Variants in PTPRO observed in about 807,000 individuals in gnomAD.
PTPRO encodes the protein receptor-type tyrosine-protein phosphatase O.
PTPRO carries 62 observed loss-of-function variants against 145.2 expected under a neutral mutation model. The observed-to-expected ratio is 0.43, with a 90% CI of 0.35 to 0.53. The LOEUF is 0.53. Ranked by LOEUF, PTPRO falls within the 20% of genes least tolerant of loss-of-function variation. The pLI is 0.01. For missense variants in PTPRO, 1,345 were observed against 1,482.7 expected (o/e 0.91, Z 1.53); for synonymous variants, 565 against 514.7 (o/e 1.10, Z -1.32).
At chr12:15,485,653 C>A (rs552775956) in intron 2 of PTPRO, among the ~76,000 whole-genome samples, 5 of 152,166 alleles carry the variant, frequency 3.3e-5, no homozygotes, top group Non-Finnish European at 7.4e-5. Flanking sequence ...CATTTATGAG[C>A]ATGCACTCAG....
intron 1 of PTPRO, among the ~76,000 whole-genome samples, chr12:15,327,025 T>C (rs2136194114): frequency 6.6e-6 from 1 of 152,346 alleles, no homozygotes; most frequent in Non-Finnish European, 1.5e-5. Flanking sequence ...CAGATTTAAA[T>C]TTTCTGCATT....
At chr12:15,389,495 T>G (rs971439183) in intron 1 of PTPRO, among the ~76,000 whole-genome samples, 3 of 152,150 alleles carry the variant, frequency 2.0e-5, no homozygotes, top group African/African-American at 7.2e-5. Context: ...ACATCCAGGA[T>G]AACTTTTCTC....
chr12:15,437,346 G>A (rs1385790213), intron 1 of PTPRO, among the ~76,000 whole-genome samples: 6 of 151,852 alleles, frequency 4.0e-5, no homozygotes, highest in Admixed American at 1.3e-4. Context: ...GTGCAGCGGG[G>A]CTCTCTCTGC....
chr12:15,520,152 G>A (rs764265121), intron 9 of PTPRO, 49 bp from the exon 10 acceptor site: 4 of 1,262,060 alleles, frequency 3.2e-6, no homozygotes, highest in South Asian at 1.2e-5. Flanking sequence ...TCCAAAAATA[G>A]TACTTTCTCC....
At position 15,520,284 on chromosome 12, in the gene PTPRO, T is replaced by C; in HGVS notation, c.1863T>C (p.Cys621=). 1 of 1,613,022 alleles carries C rather than the reference T, an allele frequency of 6.2e-7. No individual in the cohort carries two copies. The highest frequency in any genetic ancestry group is 1.3e-5 in the African/African-American group (1 of 75,008). ...GGGGAGATCCAGAATTGAGCTGCTG[T>C]GACAGCTCTACCATCAGCTTCATAA... ...VTWGDPELSC[C]DSSTISFITA... The change falls in exon 10 of 27, where the codon TGT becomes TGC. Residue 621 remains cysteine, a synonymous_variant. Coordinates refer to ENST00000281171, the MANE Select transcript of PTPRO (RefSeq NM_030667.3).
chr12:15,516,500 GA>G (rs1424824807), intron 8 of PTPRO, among the ~76,000 whole-genome samples: 12 of 118,450 alleles, frequency 1.0e-4, no homozygotes, highest in South Asian at 9.2e-4. Flanking sequence ...AGGAAAGAAA[GA>G]AAAGAAAGAA....
At chr12:15,328,264 T>C (rs1866503579) in intron 1 of PTPRO, among the ~76,000 whole-genome samples, 1 of 152,156 alleles carries the variant, frequency 6.6e-6, no homozygotes, top group Non-Finnish European at 1.5e-5. Flanking sequence ...CCTCTGCACA[T>C]TGTACCTTTG....
intron 23 of PTPRO, among the ~76,000 whole-genome samples, chr12:15,582,512 T>TA (rs1944342994): frequency 6.6e-6 from 1 of 152,200 alleles, no homozygotes; most frequent in South Asian, 2.1e-4. Context: ...GAAGACGCAG[T>TA]AAAAAGTCTG....
chr12:15,368,011 T>C (rs1032054920), intron 1 of PTPRO, among the ~76,000 whole-genome samples: 4 of 152,206 alleles, frequency 2.6e-5, no homozygotes, highest in Non-Finnish European at 5.9e-5. Context: ...ATTTAATCAA[T>C]TCATGGATCA....
At chr12:15,346,488 T>G (rs1025822425) in intron 1 of PTPRO, 1 of 152,238 alleles carries the variant, frequency 6.6e-6, no homozygotes, top group Non-Finnish European at 1.5e-5. Context: ...TGCAGCTTGT[T>G]GGGCACATAA....
At chr12:15,326,473 T>G (rs1233699069) in intron 1 of PTPRO, among the ~76,000 whole-genome samples, 1 of 152,200 alleles carries the variant, frequency 6.6e-6, no homozygotes, top group Non-Finnish European at 1.5e-5. Flanking sequence ...TGTGAAGGAA[T>G]GAAAAATTCA....
chr12:15,418,845 T>C (rs1374670837), intron 1 of PTPRO, among the ~76,000 whole-genome samples: 1 of 151,744 alleles, frequency 6.6e-6, no homozygotes, highest in Non-Finnish European at 1.5e-5. Context: ...TTGCCTCTTT[T>C]ATTAAATGAT....
intron 1 of PTPRO, among the ~76,000 whole-genome samples, chr12:15,463,201 T>G (rs1334636420): frequency 1.3e-5 from 2 of 152,160 alleles, no homozygotes; most frequent in African/African-American, 4.8e-5. Context: ...TCTCTTAATA[T>G]TCTTAGAAAT....
chr12:15,551,800 A>G (rs1591721324), intron 15 of PTPRO, 129 bp downstream of exon 15: 9 of 970,008 alleles, frequency 9.3e-6, no homozygotes, highest in East Asian at 2.6e-5. Context: ...GTCTGTTTCT[A>G]TTGTGTGTGT....
chr12:15,538,916 T>C (rs539651486), intron 12 of PTPRO, among the ~76,000 whole-genome samples: 1 of 152,338 alleles, frequency 6.6e-6, no homozygotes, highest in Non-Finnish European at 1.5e-5. Flanking sequence ...ATCTATAAAA[T>C]GAGTCTGGGC....
chr12:15,405,382 T>G (rs2136304828), intron 1 of PTPRO, among the ~76,000 whole-genome samples: 1 of 152,326 alleles, frequency 6.6e-6, no homozygotes, highest in Middle Eastern at 3.4e-3. Context: ...CTTTTATGTT[T>G]CTGAGCTTTG....
At chr12:15,587,533 T>C (rs1277991012) in intron 24 of PTPRO, among the ~76,000 whole-genome samples, 2 of 152,172 alleles carry the variant, frequency 1.3e-5, no homozygotes, top group African/African-American at 4.8e-5. Flanking sequence ...AATGAAAATA[T>C]TCAGCTTAGG....
chr12:15,402,159 G>T (rs1939512345), intron 1 of PTPRO, among the ~76,000 whole-genome samples: 1 of 152,180 alleles, frequency 6.6e-6, no homozygotes. Flanking sequence ...GGAGGCTGAG[G>T]CAGGCGGATC....
intron 1 of PTPRO, among the ~76,000 whole-genome samples, chr12:15,433,431 C>T (rs559204655): frequency 6.6e-6 from 1 of 152,164 alleles, no homozygotes; most frequent in Non-Finnish European, 1.5e-5. Context: ...GATCCGCCCG[C>T]CTTGGCCTCC....
Sources: allele counts gnomAD v4.1 joint callset (sites outside exome capture counted in the v4.1 genomes callset), GRCh38; gene constraint gnomAD v4.1.1; transcripts MANE v1.5; gene names NCBI Gene and HGNC (gene_info 2026-07-23, HGNC 2026-07-21).